Variants in SEMA6A observed in about 807,000 individuals in gnomAD.
The protein encoded by SEMA6A is semaphorin 6A.
A neutral mutation model predicts 96.8 loss-of-function variants in SEMA6A; 25 were observed. That is an observed-to-expected ratio of 0.26 (90% CI 0.19 to 0.36). SEMA6A has a LOEUF of 0.36. Ranked by LOEUF, SEMA6A falls within the 10% of genes least tolerant of loss-of-function variation. The pLI, the probability that SEMA6A is intolerant of heterozygous loss-of-function variation, is 1.00. For synonymous variants in SEMA6A, 612 were observed against 518.0 expected (o/e 1.18, Z -2.46); for missense variants, 1,363 against 1,323.1 (o/e 1.03, Z -0.47).
At chr5:116,565,395 C>G (rs540627569) in intron 1 of SEMA6A, among the ~76,000 whole-genome samples, 132 of 152,258 alleles carry the variant, frequency 8.7e-4, no homozygotes, top group Non-Finnish European at 1.5e-3. Flanking sequence ...CTATGGCAAC[C>G]GAATAAGAAA....
chr5:116,472,957 A>G, intron 17 of SEMA6A, 116 bp downstream of exon 17: 1 of 1,521,756 alleles, frequency 6.6e-7, no homozygotes, highest in Non-Finnish European at 8.8e-7. Context: ...TGATGAGGAT[A>G]AAAAATTAAT....
chr5:116,572,474 C>G (rs1158583867), intron 1 of SEMA6A, among the ~76,000 whole-genome samples: 1 of 152,190 alleles, frequency 6.6e-6, no homozygotes, highest in East Asian at 1.9e-4. Flanking sequence ...CCTCCAGTCT[C>G]CCATTCCTCT....
chr5:116,446,380 G>A lies in SEMA6A; in HGVS notation c.*233C>T, dbSNP rs886315433. 8.9e-6 allele frequency: 4 copies of A among 448,358 alleles called. No individual in the cohort carries two copies. The highest frequency in any genetic ancestry group is 3.3e-5 in the East Asian group (1 of 30,022). The allele number at this position is 448,358 out of a possible 1,614,324, so 27.8% of individuals were successfully genotyped here. ...GTCCGACCTGTTGTAGGGTGTGGGG[G>A]AAAGTGAAGGAAGAGAATGAAGGTG... is the stretch of plus-strand genomic sequence containing the variant. On this transcript the variant is annotated 3_prime_UTR_variant, in exon 19 of 19. Transcript: ENST00000343348.
At chr5:116,524,779 C>CAG (rs1554090334) in intron 1 of SEMA6A, among the ~76,000 whole-genome samples, 8 of 150,136 alleles carry the variant, frequency 5.3e-5, no homozygotes, top group African/African-American at 2.0e-4. Context: ...TATACACACA[C>CAG]ACACACACAG....
Position 116,446,438 on chromosome 5 carries a change from C to T in SEMA6A, c.*175G>A, listed in dbSNP as rs1178953651. On this transcript the variant is annotated 3_prime_UTR_variant, in exon 19 of 19. Coordinates refer to ENST00000343348, the MANE Select transcript of SEMA6A (RefSeq NM_020796.5). ...GCCGTTGCAAACCTTCACCAAACCA[C>T]GCGGCCCAGTTTTCGTGAGTACCCC... The T allele has an allele frequency of 7.6e-6, 4 of 523,130 alleles. No homozygotes were observed. In the East Asian group the frequency reaches 9.2e-5, roughly 12 times the overall value. The allele number at this position is 523,130 out of a possible 1,614,324, so 32.4% of individuals were successfully genotyped here.
intron 1 of SEMA6A, among the ~76,000 whole-genome samples, chr5:116,520,325 C>CATTTATATTATTAA (rs1758873561): frequency 6.7e-6 from 1 of 149,400 alleles, no homozygotes; most frequent in Admixed American, 6.7e-5. Context: ...GAGATTTTCA[C>CATTTATATTATTAA]TTGCTTTTGT....
At chr5:116,487,639 G>T (rs1490634638) in intron 9 of SEMA6A, among the ~76,000 whole-genome samples, 1 of 152,130 alleles carries the variant, frequency 6.6e-6, no homozygotes, top group Non-Finnish European at 1.5e-5. Flanking sequence ...TGCAGCAGGT[G>T]AAATTACTTG....
At chr5:116,525,794 C>T (rs1216803127) in intron 1 of SEMA6A, among the ~76,000 whole-genome samples, 1 of 152,184 alleles carries the variant, frequency 6.6e-6, no homozygotes, top group Non-Finnish European at 1.5e-5. Context: ...TAGTTCTCTT[C>T]CCAACTGCAT....
chr5:116,446,523 T>G lies in SEMA6A; in HGVS notation c.*90A>C. 1 of 1,122,532 alleles carries G rather than the reference T, an allele frequency of 8.9e-7. No homozygotes were observed. Among genetic ancestry groups the G allele is most frequent in the Non-Finnish European group, 1.2e-6 (1 of 813,700 alleles). The allele number at this position is 1,122,532 out of a possible 1,614,324, so 69.5% of individuals were successfully genotyped here. A position where few individuals can be genotyped will look rare whatever the true frequency, so the allele number is the denominator to read the frequency against. ...TCTGCCGCAGGCCTTCTTGGTCTGG[T>G]GGGTACTCGAGGCAGTTGAGAACCT... On this transcript the variant is annotated 3_prime_UTR_variant, in exon 19 of 19. Transcript: ENST00000343348.
intron 1 of SEMA6A, among the ~76,000 whole-genome samples, chr5:116,534,787 C>T (rs779827965): frequency 5.9e-5 from 9 of 152,202 alleles, no homozygotes; most frequent in Non-Finnish European, 1.0e-4. Context: ...ACTGGACACC[C>T]GCTGCTTAGC....
chr5:116,483,278 C>A (rs1756881868), intron 10 of SEMA6A, among the ~76,000 whole-genome samples: 2 of 152,078 alleles, frequency 1.3e-5, no homozygotes, highest in Admixed American at 1.3e-4. Context: ...TTTTTTTAAT[C>A]AATGATGGGA....
chr5:116,515,766 G>T (rs910026580), intron 1 of SEMA6A, among the ~76,000 whole-genome samples: 1 of 152,180 alleles, frequency 6.6e-6, no homozygotes, highest in Non-Finnish European at 1.5e-5. Context: ...GCCTGGGATT[G>T]CTCAGGCCTA....
At chr5:116,503,063 C>G (rs138805610) in intron 2 of SEMA6A, among the ~76,000 whole-genome samples, 75 of 152,288 alleles carry the variant, frequency 4.9e-4, no homozygotes, top group African/African-American at 1.8e-3. Context: ...CTGAGAGTGG[C>G]CAATCTGTAT....
rs1273106822 is a variant in SEMA6A, at chr5:116,446,043, A to G, written c.*570T>C. ...GCTGTAACACTGGCGGGCATTTCACAGTATTTGCGCATAGTAAACTTCTGC... is the reference window on the plus strand; with the variant it reads ...GCTGTAACACTGGCGGGCATTTCACGGTATTTGCGCATAGTAAACTTCTGC... On this transcript the variant is annotated 3_prime_UTR_variant, in exon 19 of 19. Transcript: ENST00000343348. The G allele has an allele frequency of 6.5e-6, 1 of 152,720 alleles. No homozygotes were observed. 9.5% of individuals were successfully genotyped at this position (152,720 alleles called of 1,614,324 possible). A position where few individuals can be genotyped will look rare whatever the true frequency, so the allele number is the denominator to read the frequency against.
At chr5:116,552,249 CA>C (rs1253979917) in intron 1 of SEMA6A, among the ~76,000 whole-genome samples, 1 of 75,028 alleles carries the variant, frequency 1.3e-5, no homozygotes, top group Non-Finnish European at 3.3e-5. Flanking sequence ...TGTAGTCAAT[CA>C]TTTTTTTTCA....
intron 1 of SEMA6A, among the ~76,000 whole-genome samples, chr5:116,542,081 CA>C (rs552570192): frequency 6.6e-6 from 1 of 152,198 alleles, no homozygotes; most frequent in Non-Finnish European, 1.5e-5. Flanking sequence ...GGGGAACCAT[CA>C]GGCATTTTGT....
At chr5:116,494,590 C>T (rs759781811) in intron 6 of SEMA6A, among the ~76,000 whole-genome samples, 1 of 152,182 alleles carries the variant, frequency 6.6e-6, no homozygotes, top group Non-Finnish European at 1.5e-5. Context: ...CTTCCATAAT[C>T]CATTGCATGA....
At chr5:116,566,098 C>G (rs1375555060) in intron 1 of SEMA6A, among the ~76,000 whole-genome samples, 2 of 152,160 alleles carry the variant, frequency 1.3e-5, no homozygotes, top group Non-Finnish European at 2.9e-5. Context: ...TCTTCGTAGT[C>G]TCTAACAATG....
chr5:116,477,780 T>C, intron 15 of SEMA6A, 66 bp downstream of exon 15: 1 of 1,507,558 alleles, frequency 6.6e-7, no homozygotes, highest in Admixed American at 1.7e-5. Context: ...GCAGAGCAAA[T>C]CTTACATCTA....
Sources: gnomAD v4.1 joint callset for allele counts (sites outside exome capture counted in the v4.1 genomes callset) on GRCh38, gnomAD v4.1.1 for gene constraint, MANE v1.5 for transcripts, NCBI Gene and HGNC (gene_info 2026-07-23, HGNC 2026-07-21) for gene names.